Variants in MAML3 observed in about 807,000 individuals in gnomAD.
The protein encoded by MAML3 is mastermind like transcriptional coactivator 3, also known as mastermind-like protein 3.
MAML3 carries 27 observed loss-of-function variants against 101.9 expected under a neutral mutation model. The observed-to-expected ratio is 0.27, with a 90% CI of 0.20 to 0.37. The LOEUF (loss-of-function observed/expected upper bound fraction) is 0.37, where lower values mean the gene tolerates loss of function less well. MAML3 is among the 10% of genes least tolerant of loss of function. MAML3 has a pLI of 1.00. For missense variants in MAML3, 1,316 were observed against 1,444.9 expected, an observed-to-expected ratio of 0.91 and a Z score of 1.45; for synonymous variants, 501 against 555.9, an observed-to-expected ratio of 0.90 and a Z score of 1.39.
At chr4:140,100,932 T>C (rs1728243215) in intron 1 of MAML3, among the ~76,000 whole-genome samples, 1 of 152,104 alleles carries the variant, frequency 6.6e-6, no homozygotes, top group Admixed American at 6.5e-5. Context: ...GGCTTCCCTG[T>C]AAGAAATATG....
intron 2 of MAML3, among the ~76,000 whole-genome samples, chr4:139,782,747 C>G (rs960052531): frequency 6.6e-6 from 1 of 152,174 alleles, no homozygotes; most frequent in East Asian, 1.9e-4. Flanking sequence ...CACCCAGAAC[C>G]TGCAATGTCT....
At chr4:140,098,710 T>C (rs930457932) in intron 1 of MAML3, among the ~76,000 whole-genome samples, 1 of 152,248 alleles carries the variant, frequency 6.6e-6, no homozygotes, top group Admixed American at 6.5e-5. Context: ...ACAAAGGCCA[T>C]GTGGCTACTG....
At chr4:139,884,666 C>T (rs1487478643) in intron 2 of MAML3, among the ~76,000 whole-genome samples, 1 of 152,206 alleles carries the variant, frequency 6.6e-6, no homozygotes, top group Non-Finnish European at 1.5e-5. Flanking sequence ...AGCAATCTCA[C>T]TGTTGTTCCG....
chr4:140,042,197 A>G (rs750895075), intron 1 of MAML3, among the ~76,000 whole-genome samples: 19 of 152,236 alleles, frequency 1.2e-4, no homozygotes, highest in Non-Finnish European at 2.5e-4. Context: ...GGATGTGTGA[A>G]TAAGTGAATG....
intron 1 of MAML3, among the ~76,000 whole-genome samples, chr4:140,132,469 C>T (rs1409353274): frequency 6.6e-6 from 1 of 152,228 alleles, no homozygotes; most frequent in African/African-American, 2.4e-5. Flanking sequence ...CTAACTTCCT[C>T]TGGCACTAAC....
chr4:139,876,377 G>A (rs1343058762), intron 2 of MAML3, among the ~76,000 whole-genome samples: 2 of 152,224 alleles, frequency 1.3e-5, no homozygotes, highest in African/African-American at 4.8e-5. Flanking sequence ...TCACTGCTTT[G>A]AGAGGGATGC....
In MAML3 at chr4:140,033,968, C is replaced by T. The variant is rs549064769; in HGVS notation, c.468+118892G>A. On this transcript the variant is annotated intron_variant, in intron 1 of 4. Transcript: ENST00000509479. The stretch of plus-strand genomic sequence containing the variant: ...TGAACATAAATGAGTTGTTTTTTGA[C>T]GACTAACCACCCTGCAATGGGTCTC... Among the ~76,000 whole-genome samples, 18 of 152,254 alleles carry T rather than the reference C, an allele frequency of 1.2e-4. No homozygotes were observed. In the South Asian group the frequency reaches 3.3e-3, roughly 28 times the overall value.
chr4:140,127,868 A>C (rs1182073516), intron 1 of MAML3: 4 of 152,206 alleles, frequency 2.6e-5, no homozygotes, highest in Non-Finnish European at 5.9e-5. Flanking sequence ...ACCAGAACGC[A>C]AGCCAAACCT....
At position 140,045,302 on chromosome 4, in the gene MAML3, G is replaced by A. The variant is rs191428507; in HGVS notation, c.468+107558C>T. ...CCCAGCTACTCGGGAGGCTGAGGCA[G>A]GAGAATCGCTTGAATCCATGAGGTG... On this transcript the variant is annotated intron_variant, in intron 1 of 4. Transcript: ENST00000509479. Among the ~76,000 whole-genome samples the A allele has an allele frequency of 3.4e-3, 520 of 151,078 alleles. 3 individuals are homozygous for A. Among genetic ancestry groups the A allele is most frequent in the Non-Finnish European group, 6.1e-3 (415 of 67,922 alleles).
chr4:139,876,010 C>T (rs1456133926), intron 2 of MAML3, among the ~76,000 whole-genome samples: 4 of 150,218 alleles, frequency 2.7e-5, no homozygotes, highest in East Asian at 3.9e-4. Flanking sequence ...TTCTAACTCG[C>T]GCTGTTCAAC....
At chr4:140,064,497 A>G (rs2110943083) in intron 1 of MAML3, among the ~76,000 whole-genome samples, 1 of 152,350 alleles carries the variant, frequency 6.6e-6, no homozygotes, top group Middle Eastern at 3.4e-3. Flanking sequence ...TGTTGTTTAC[A>G]TAGTTGGGTT....
chr4:140,152,832 C>G, intron 1 of MAML3, 28 bp downstream of exon 1: 1 of 1,595,258 alleles, frequency 6.3e-7, no homozygotes, highest in Non-Finnish European at 8.5e-7. Flanking sequence ...CAACGCGCGC[C>G]GCAAGCCCGC....
intron 1 of MAML3, among the ~76,000 whole-genome samples, chr4:139,924,695 AC>A (rs1193818384): frequency 6.6e-6 from 1 of 152,190 alleles, no homozygotes; most frequent in African/African-American, 2.4e-5. Flanking sequence ...ACTCCCAACT[AC>A]TACTTCTCTC....
At position 139,783,051 on chromosome 4, in the gene MAML3, G is replaced by A. The variant is rs538984391; in HGVS notation, c.2080-52384C>T. Among the ~76,000 whole-genome samples the A allele has an allele frequency of 7.2e-5, 11 of 152,264 alleles. 1 individual carries two copies. The South Asian group carries it at 2.1e-3, about 29-fold the overall frequency. ...TGATAGGAATCCTTCCCCAGGGCTT[G>A]TCATTTAGCTGCAGCTCCAGCAGGC... is the stretch of plus-strand genomic sequence containing the variant. On this transcript the variant is annotated intron_variant, in intron 2 of 4. Coordinates refer to ENST00000509479, the MANE Select transcript of MAML3 (RefSeq NM_018717.5).
intron 2 of MAML3, among the ~76,000 whole-genome samples, chr4:139,784,920 A>G (rs1285080008): frequency 6.6e-6 from 1 of 151,886 alleles, no homozygotes; most frequent in South Asian, 2.1e-4. Flanking sequence ...AATGATAGAC[A>G]TTGGAGACGA....
At chr4:140,123,415 C>CT (rs1052320860) in intron 1 of MAML3, among the ~76,000 whole-genome samples, 6 of 151,330 alleles carry the variant, frequency 4.0e-5, no homozygotes, top group South Asian at 4.2e-4. Flanking sequence ...ATTGTGAGTA[C>CT]TTTTTTTTTA....
chr4:140,033,620 T>C (rs1029161793), intron 1 of MAML3, among the ~76,000 whole-genome samples: 2 of 152,226 alleles, frequency 1.3e-5, no homozygotes, highest in Non-Finnish European at 2.9e-5. Flanking sequence ...CACTGAGTTC[T>C]AGAATCAGAG....
intron 1 of MAML3, among the ~76,000 whole-genome samples, chr4:140,070,102 C>G (rs1422551856): frequency 6.7e-6 from 1 of 150,172 alleles, no homozygotes; most frequent in Non-Finnish European, 1.5e-5. Context: ...GGAGACAGAG[C>G]GAGACTCCAT....
At chr4:139,970,521 T>A (rs934451656) in intron 1 of MAML3, among the ~76,000 whole-genome samples, 1 of 152,020 alleles carries the variant, frequency 6.6e-6, no homozygotes, top group African/African-American at 2.4e-5. Flanking sequence ...TAAAAATGGA[T>A]CAGACAATCA....
Sources: gnomAD v4.1 joint callset for allele counts (sites outside exome capture counted in the v4.1 genomes callset) on GRCh38, gnomAD v4.1.1 for gene constraint, MANE v1.5 for transcripts, NCBI Gene and HGNC (gene_info 2026-07-23, HGNC 2026-07-21) for gene names.